The following DNAAF5 variants were observed in gnomAD, a reference collection of about 807,000 sequenced individuals.
DNAAF5 encodes the protein dynein axonemal assembly factor 5, also known as HEAT repeat containing 2.
DNAAF5 carries 64 observed loss-of-function variants against 75.8 expected under a neutral mutation model. The ratio of observed to expected loss-of-function variants is 0.84; its 90% CI spans 0.69 to 1.04. The LOEUF is 1.04. Ranked by LOEUF, DNAAF5 falls within the 50% of genes least tolerant of loss-of-function variation. The pLI, the probability that DNAAF5 is intolerant of heterozygous loss-of-function variation, is 0.00. For missense variants in DNAAF5, 1,269 were observed against 1,178.5 expected (o/e 1.08, Z -1.12); for synonymous variants, 657 against 557.2 (o/e 1.18, Z -2.52).
chr7:749,625 ATTGT>A (rs1782225626), intron 4 of DNAAF5, among the ~76,000 whole-genome samples: 2 of 152,206 alleles, frequency 1.3e-5, no homozygotes, highest in South Asian at 4.1e-4. Context: ...GCTGGTTAAC[ATTGT>A]TTGAAGCCAG....
chr7:740,989 G>T, intron 3 of DNAAF5, 46 bp downstream of exon 3: 1 of 1,598,716 alleles, frequency 6.3e-7, no homozygotes. Context: ...AAACGGTCAT[G>T]TGTAGCAGTG....
intron 4 of DNAAF5, among the ~76,000 whole-genome samples, chr7:751,885 G>T (rs1431004555): frequency 6.6e-6 from 1 of 152,138 alleles, no homozygotes; most frequent in African/African-American, 2.4e-5. Context: ...GAATTTTGAA[G>T]ATCAGAATCT....
At chr7:730,841 T>G (rs1781540961) in intron 2 of DNAAF5, among the ~76,000 whole-genome samples, 1 of 152,216 alleles carries the variant, frequency 6.6e-6, no homozygotes, top group South Asian at 2.1e-4. Flanking sequence ...CCAGCGGAAG[T>G]TGAGTCACCA....
At chr7:781,766 C>T (rs573411508) in intron 12 of DNAAF5, among the ~76,000 whole-genome samples, 50 of 152,326 alleles carry the variant, frequency 3.3e-4, no homozygotes, top group Non-Finnish European at 6.6e-4. Flanking sequence ...CCTTTTCAGA[C>T]GCCTGTTTGT....
chr7:755,832 T>C (rs1272162496), intron 5 of DNAAF5, among the ~76,000 whole-genome samples: 1 of 152,218 alleles, frequency 6.6e-6, no homozygotes, highest in African/African-American at 2.4e-5. Context: ...AAAACTACCG[T>C]GAATTTAAAA....
intron 4 of DNAAF5, among the ~76,000 whole-genome samples, chr7:749,747 G>A (rs572859663): frequency 6.6e-6 from 1 of 152,244 alleles, no homozygotes; most frequent in East Asian, 1.9e-4. Flanking sequence ...CCAGGCTGGA[G>A]TGCAGTGGTG....
rs543234628 is a variant in DNAAF5 at position 727,254 on chromosome 7, C to G, written c.534C>G (p.Pro178=). The part of the protein sequence containing the change: ...LRALRCSLLD[P]FAAVRRESCS... ...CGCTGCGCTGCTCCCTGCTCGACCC[C>G]TTCGCCGCCGTGCGCCGCGAGAGCT... Residue 178 remains proline, a synonymous_variant, in exon 1 of 13, where the codon CCC becomes CCG. Coordinates refer to ENST00000297440, the MANE Select transcript of DNAAF5 (RefSeq NM_017802.4). 3.7e-6 allele frequency: 5 copies of G among 1,340,836 alleles called. No individual in the cohort carries two copies. The highest frequency in any genetic ancestry group is 4.8e-6 in the Non-Finnish European group (5 of 1,049,842). The allele number at this position is 1,340,836 out of a possible 1,614,324, so 83.1% of individuals were successfully genotyped here.
chr7:777,513 G>A (rs939730456), intron 11 of DNAAF5, among the ~76,000 whole-genome samples: 1 of 148,706 alleles, frequency 6.7e-6, no homozygotes, highest in Admixed American at 6.7e-5. Context: ...GGAGTGACAC[G>A]GAATGGTGTG....
intron 8 of DNAAF5, among the ~76,000 whole-genome samples, chr7:769,966 T>C (rs1778499586): frequency 6.6e-6 from 1 of 152,100 alleles, no homozygotes; most frequent in Admixed American, 6.5e-5. Flanking sequence ...GTTTTTGTTT[T>C]TTTGAGACAT....
chr7:754,659 C>G lies in DNAAF5; in HGVS notation c.1095C>G (p.Cys365Trp). 6.2e-7 allele frequency: 1 copy of G among 1,614,148 alleles called. No homozygotes were observed. Among genetic ancestry groups the G allele is most frequent in the Non-Finnish European group, 8.5e-7 (1 of 1,180,034 alleles). Residue 365 changes from cysteine (C) to tryptophan (W), a missense_variant, in exon 5 of 13, where the codon TGC (cysteine) becomes TGG (tryptophan). Physicochemically the swap from Cys to Trp is radical, Grantham distance 215 (BLOSUM62 -2). Coordinates refer to ENST00000297440, the MANE Select transcript of DNAAF5 (RefSeq NM_017802.4). The surrounding 1 kb of genome is among the most constrained non-coding windows in gnomAD (Gnocchi z 4.8). ...TCTCCAAGATCCTCCCTGCCCTGTGCCACGACATCACCGACTGGGTGGTGG... is the reference window on the plus strand; with the variant it reads ...TCTCCAAGATCCTCCCTGCCCTGTGGCACGACATCACCGACTGGGTGGTGG... ...RNLSKILPALCHDITDWVVGT... is the reference protein window; with the variant it reads ...RNLSKILPALWHDITDWVVGT...
intron 8 of DNAAF5, among the ~76,000 whole-genome samples, chr7:767,322 G>A (rs1376113390): frequency 2.0e-5 from 3 of 151,762 alleles, no homozygotes; most frequent in Non-Finnish European, 4.4e-5. Context: ...GGGTGGCTGA[G>A]CTGGGAGTGC....
intron 5 of DNAAF5, among the ~76,000 whole-genome samples, chr7:756,401 G>T (rs1249658947): frequency 6.6e-6 from 1 of 151,888 alleles, no homozygotes; most frequent in East Asian, 1.9e-4. Flanking sequence ...AGAGGGGCTG[G>T]TGAGTGTGTG....
intron 8 of DNAAF5, among the ~76,000 whole-genome samples, chr7:768,314 G>GAGC (rs1407720815): frequency 6.9e-6 from 1 of 144,528 alleles, no homozygotes; most frequent in African/African-American, 2.6e-5. Flanking sequence ...TCCGTGCTGC[G>GAGC]AGCAGGAGCT....
intron 5 of DNAAF5, among the ~76,000 whole-genome samples, chr7:755,258 G>A (rs1391637246): frequency 6.6e-6 from 1 of 152,170 alleles, no homozygotes; most frequent in African/African-American, 2.4e-5. Flanking sequence ...CGGGTGTCCT[G>A]CGAGTGGTGT....
chr7:750,363 AACGCACCCCCC>A (rs1782254351), intron 4 of DNAAF5, among the ~76,000 whole-genome samples: 1 of 152,098 alleles, frequency 6.6e-6, no homozygotes, highest in Admixed American at 6.6e-5. Flanking sequence ...TGTTTCCCAG[AACGCACCCCCC>A]ACCGTTCAGC....
At chr7:775,280 G>A in intron 11 of DNAAF5, 118 bp downstream of exon 11, 3 of 938,308 alleles carry the variant, frequency 3.2e-6, no homozygotes, top group East Asian at 5.2e-5. Flanking sequence ...CGGGCTGGGT[G>A]TGGTGGTTCA....
intron 2 of DNAAF5, among the ~76,000 whole-genome samples, chr7:732,903 A>G (rs1050489360): frequency 2.0e-5 from 3 of 152,140 alleles, no homozygotes; most frequent in African/African-American, 7.2e-5. Flanking sequence ...TAGTGGTTTC[A>G]TAGTTTGAGG....
chr7:777,008 G>T (rs766168546), intron 11 of DNAAF5, among the ~76,000 whole-genome samples: 5 of 152,148 alleles, frequency 3.3e-5, no homozygotes, highest in African/African-American at 4.8e-5. Context: ...CCAAGCTGAC[G>T]CTCCTTATGA....
intron 9 of DNAAF5, chr7:772,224 G>A (rs1778592055): frequency 6.6e-6 from 1 of 152,290 alleles, no homozygotes; most frequent in South Asian, 2.1e-4. Flanking sequence ...CAGGCTTTCT[G>A]TGTCTTACCT....
Sources: gnomAD v4.1 joint callset for allele counts (sites outside exome capture counted in the v4.1 genomes callset) on GRCh38, gnomAD v4.1.1 for gene constraint, Gnocchi (gnomAD v3.1) non-coding constraint, MANE v1.5 for transcripts, NCBI Gene and HGNC (gene_info 2026-07-23, HGNC 2026-07-21) for gene names.